The following TRPC3 variants were observed in gnomAD, a reference collection of about 807,000 sequenced individuals.
TRPC3 encodes the protein short transient receptor potential channel 3.
Under a neutral mutation model 90.9 loss-of-function variants are expected in TRPC3, and 54 were observed. That is an observed-to-expected ratio of 0.59 (90% CI 0.48 to 0.75). TRPC3 has a LOEUF of 0.75. Ranked by LOEUF, TRPC3 falls within the 30% of genes least tolerant of loss-of-function variation. TRPC3 has a pLI of 0.00. For synonymous variants in TRPC3, 424 were observed against 450.9 expected, an observed-to-expected ratio of 0.94 and a Z score of 0.75; for missense variants, 918 against 1,194.5, an observed-to-expected ratio of 0.77 and a Z score of 3.41.
At chr4:121,883,607 G>A (rs1047872089) in intron 10 of TRPC3, among the ~76,000 whole-genome samples, 3 of 152,126 alleles carry the variant, frequency 2.0e-5, no homozygotes, top group South Asian at 2.1e-4. Context: ...TAAAGAGAAC[G>A]ATTAATAAAT....
At chr4:121,902,607 G>C (rs987068834) in intron 9 of TRPC3, among the ~76,000 whole-genome samples, 4 of 152,068 alleles carry the variant, frequency 2.6e-5, no homozygotes, top group African/African-American at 9.7e-5. Flanking sequence ...CAAGTTAAAG[G>C]CTTTTTTGTT....
chr4:121,939,845 A>G (rs1471559040), intron 1 of TRPC3, among the ~76,000 whole-genome samples: 1 of 152,232 alleles, frequency 6.6e-6, no homozygotes, highest in Non-Finnish European at 1.5e-5. Context: ...AAGTAGACAT[A>G]GAACAGTGCC....
chr4:121,906,289 T>C lies in TRPC3; in HGVS notation c.2057+1014A>G, dbSNP rs75608416. On this transcript the variant is annotated intron_variant, in intron 7 of 11. Transcript: ENST00000379645. ...GATTTTCAGCCTATGTCCTTTCTAC[T>C]ACATTGAATGGTCACATCCCTAGAC... 2.5e-3 allele frequency among the ~76,000 whole-genome samples: 388 copies of C among 152,242 alleles called. 8 individuals carry two copies. In the East Asian group the frequency reaches 0.06, roughly 24 times the overall value.
rs1332866919 is a variant in TRPC3 at position 121,878,702 on chromosome 4, T to A, written c.*1034A>T. Among the ~76,000 whole-genome samples, 2 of 152,342 alleles carry A rather than the reference T, an allele frequency of 1.3e-5. No homozygotes were observed. The highest frequency in any genetic ancestry group is 3.4e-3 in the Middle Eastern group (1 of 294). ...GGAATCCTTTGATAAGAAACAAAGA[T>A]GTCAATCATTGTAAGCAACGATGGC... On this transcript the variant is annotated 3_prime_UTR_variant, in exon 12 of 12. Coordinates refer to ENST00000379645, the MANE Select transcript of TRPC3 (RefSeq NM_001130698.2).
Position 121,951,366 on chromosome 4 carries a change from A to T in TRPC3, c.215+100T>A. 2.7e-6 allele frequency: 2 copies of T among 727,434 alleles called. No individual in the cohort carries two copies. Among genetic ancestry groups the T allele is most frequent in the Non-Finnish European group, 3.5e-6 (2 of 564,654 alleles). The allele number at this position is 727,434 out of a possible 1,614,324, so 45.1% of individuals were successfully genotyped here. A position where few individuals can be genotyped will look rare whatever the true frequency, so the allele number is the denominator to read the frequency against. On this transcript the variant is annotated intron_variant, in intron 1 of 11. Coordinates refer to ENST00000379645, the MANE Select transcript of TRPC3 (RefSeq NM_001130698.2). This position sits in a 1 kb window ranked among gnomAD's most constrained non-coding sequence, Gnocchi z 4.4. ...CCTGGCCGTACCATGTGGGTCTCGG[A>T]GGTCCCGGGCTCGACGTGGAGCCGC...
chr4:121,918,118 A>T (rs1216141387), intron 3 of TRPC3, among the ~76,000 whole-genome samples: 1 of 152,156 alleles, frequency 6.6e-6, no homozygotes, highest in African/African-American at 2.4e-5. Flanking sequence ...TATAAAAAAG[A>T]CTTCATGCAG....
chr4:121,881,726 C>T (rs573910650), intron 11 of TRPC3, among the ~76,000 whole-genome samples: 193 of 152,194 alleles, frequency 1.3e-3, no homozygotes, highest in African/African-American at 4.6e-3. Flanking sequence ...TTTAGGGCAA[C>T]TTATTTCTCC....
chr4:121,923,193 A>G (rs942028384), intron 3 of TRPC3, among the ~76,000 whole-genome samples: 2 of 152,162 alleles, frequency 1.3e-5, no homozygotes, highest in South Asian at 4.1e-4. Flanking sequence ...GGCCATATGA[A>G]AACAGGCAGG....
At chr4:121,898,099 G>A (rs1038170548) in intron 10 of TRPC3, among the ~76,000 whole-genome samples, 1 of 152,292 alleles carries the variant, frequency 6.6e-6, no homozygotes, top group East Asian at 1.9e-4. Context: ...ATATGTGGAA[G>A]CTAAAAAAAG....
chr4:121,932,404 C>G lies in TRPC3; in HGVS notation c.854G>C (p.Arg285Pro), dbSNP rs200743584. 2 of 1,614,026 alleles carry G rather than the reference C, an allele frequency of 1.2e-6. No homozygotes were observed. The highest frequency in any genetic ancestry group is 1.1e-5 in the South Asian group (1 of 91,084). The change falls in exon 2 of 12, where the codon CGC becomes CCC. Residue 285 changes from arginine to proline, a missense_variant. By Grantham distance (103) the Arg-to-Pro change is moderately radical. This residue lies in a region of TRPC3 where 609 missense variants were observed against 725.9 expected (regional missense o/e 0.84). Transcript: ENST00000379645. This position sits in a 1 kb window ranked among gnomAD's most constrained non-coding sequence, Gnocchi z 7.7. ...KQRHDSFSHS[R>P]SRINAYKGLA... is the part of the protein sequence containing the mutation. ...CCCCTTGTAGGCATTGATCCTCGAG[C>G]GTGAGTGGCTGAAGGAGTCGTGCCT...
intron 11 of TRPC3, among the ~76,000 whole-genome samples, chr4:121,881,424 C>T (rs1727939295): frequency 1.3e-5 from 2 of 152,032 alleles, no homozygotes; most frequent in Non-Finnish European, 2.9e-5. Flanking sequence ...CGGTACAACT[C>T]ATCAGACTTC....
intron 1 of TRPC3, among the ~76,000 whole-genome samples, chr4:121,935,823 A>G: frequency 6.6e-6 from 1 of 152,186 alleles, no homozygotes; most frequent in East Asian, 1.9e-4. Context: ...ACAGGGAAAA[A>G]TCACTTATAA....
At position 121,880,958 on chromosome 4, in the gene TRPC3, C is replaced by CAA. The variant is rs111796135; in HGVS notation, c.2624-1082_2624-1081dup. Among the ~76,000 whole-genome samples the CAA allele has an allele frequency of 2.5e-4, 32 of 128,300 alleles. No homozygotes were observed. In the East Asian group the frequency reaches 3.5e-3, roughly 14 times the overall value. The allele number at this position is 128,300 out of a possible 152,430, so 84.2% of individuals were successfully genotyped here. ...AAACATTTGAGGAGCCCTTTTGTGG[C>CAA]AAAAAAAAAAAAAAGTGCTTCCTTT... On this transcript the variant is annotated intron_variant, in intron 11 of 11. Coordinates refer to ENST00000379645, the MANE Select transcript of TRPC3 (RefSeq NM_001130698.2).
At chr4:121,944,427 G>C (rs986153159) in intron 1 of TRPC3, among the ~76,000 whole-genome samples, 5 of 150,208 alleles carry the variant, frequency 3.3e-5, no homozygotes, top group African/African-American at 1.2e-4. Context: ...GGGGGAGGGT[G>C]GGGGAGTAAA....
chr4:121,897,928 T>TA (rs1305756006), intron 10 of TRPC3, among the ~76,000 whole-genome samples: 3 of 152,040 alleles, frequency 2.0e-5, no homozygotes, highest in Non-Finnish European at 4.4e-5. Context: ...GATGAATGTA[T>TA]AAAAAATGTA....
chr4:121,911,933 C>T lies in TRPC3; in HGVS notation c.1502G>A (p.Arg501Lys). ...TVTDYPKQIFRVKTTQFTWTE... is the reference protein window; with the variant it reads ...TVTDYPKQIFKVKTTQFTWTE... ...CCATGTAAACTGGGTGGTTTTCACC[C>T]TGAAGATCTGTTTGGGATAGTCAGT... Residue 501 changes from arginine to lysine, a missense_variant, in exon 5 of 12, where the codon AGG becomes AAG. Arg to Lys is a conservative substitution (Grantham distance 26, BLOSUM62 2). This residue lies in a region of TRPC3 where 609 missense variants were observed against 725.9 expected (regional missense o/e 0.84). Transcript: ENST00000379645. 6.2e-7 allele frequency: 1 copy of T among 1,613,812 alleles called. No homozygotes were observed. Among genetic ancestry groups the T allele is most frequent in the South Asian group, 1.1e-5 (1 of 91,064 alleles).
intron 3 of TRPC3, among the ~76,000 whole-genome samples, chr4:121,918,389 T>A (rs1024361949): frequency 1.3e-5 from 2 of 152,222 alleles, no homozygotes; most frequent in Non-Finnish European, 2.9e-5. Flanking sequence ...ATTAATGTTA[T>A]AGCATATCTC....
intron 10 of TRPC3, among the ~76,000 whole-genome samples, chr4:121,896,108 T>C (rs1206620515): frequency 6.6e-6 from 1 of 152,102 alleles, no homozygotes; most frequent in Non-Finnish European, 1.5e-5. Context: ...AAGCTTTTCA[T>C]AAAATTCAAT....
At chr4:121,882,487 T>C in intron 10 of TRPC3, 58 bp from the exon 11 acceptor site, 1 of 1,529,668 alleles carries the variant, frequency 6.5e-7, no homozygotes, top group Non-Finnish European at 8.9e-7. Flanking sequence ...GCCCCAATCC[T>C]ATTTTCCAAA....
Sources: allele counts gnomAD v4.1 joint callset (sites outside exome capture counted in the v4.1 genomes callset), GRCh38; gene constraint gnomAD v4.1.1; regional missense constraint gnomAD v4.1.1; non-coding constraint Gnocchi (gnomAD v3.1); transcripts MANE v1.5; gene names NCBI Gene and HGNC (gene_info 2026-07-23, HGNC 2026-07-21).